Variants in CD86 observed in about 807,000 individuals in gnomAD.
The protein encoded by CD86 is CD86 molecule.
Under a neutral mutation model 32.1 loss-of-function variants are expected in CD86, and 11 were observed. The observed-to-expected ratio is 0.34, with a 90% CI of 0.22 to 0.57. The LOEUF is 0.57. Ranked by LOEUF, CD86 falls within the 20% of genes least tolerant of loss-of-function variation. The probability of loss-of-function intolerance (pLI) is 0.86; values close to 1 mark genes in which losing one functional copy is unlikely to be tolerated. For missense variants in CD86, 359 were observed against 398.4 expected, an observed-to-expected ratio of 0.90 and a Z score of 0.84; for synonymous variants, 137 against 135.3, an observed-to-expected ratio of 1.01 and a Z score of -0.09.
Position 122,090,749 on chromosome 3 carries a change from TGAA to T in CD86, c.15-850_15-848del, listed in dbSNP as rs932375394. Among the ~76,000 whole-genome samples, 6 of 152,160 alleles carry T rather than the reference TGAA, an allele frequency of 3.9e-5. No individual in the cohort carries two copies. The East Asian group carries it at 1.2e-3, about 29-fold the overall frequency. ...CTAGTTAGGGTAAGTGCGTGGGTAG[TGAA>T]GGAGGGAGGAGGGAGAGGAAGAAAG... On this transcript the variant is annotated intron_variant, in intron 1 of 6. Transcript: ENST00000330540.
chr3:122,083,996 T>A (rs2072676439), intron 1 of CD86, among the ~76,000 whole-genome samples: 1 of 152,302 alleles, frequency 6.6e-6, no homozygotes, highest in East Asian at 1.9e-4. Flanking sequence ...TATTGTATTC[T>A]TTTTTTCTGA....
At chr3:122,078,218 T>C (rs34865701) in intron 1 of CD86, among the ~76,000 whole-genome samples, 180 of 152,300 alleles carry the variant, frequency 1.2e-3, no homozygotes, top group Non-Finnish European at 1.9e-3. Context: ...ATTGACTACA[T>C]TGGAGGTGGG....
chr3:122,080,629 T>C (rs2072620313), intron 1 of CD86, among the ~76,000 whole-genome samples: 1 of 152,184 alleles, frequency 6.6e-6, no homozygotes, highest in African/African-American at 2.4e-5. Flanking sequence ...GGAAACACTG[T>C]GCTCTCAAAT....
intron 5 of CD86, among the ~76,000 whole-genome samples, chr3:122,110,270 T>C (rs2073152899): frequency 6.6e-6 from 1 of 152,226 alleles, no homozygotes; most frequent in African/African-American, 2.4e-5. Context: ...AATAGTTTTG[T>C]TATTATAAAC....
intron 2 of CD86, among the ~76,000 whole-genome samples, chr3:122,098,149 G>A (rs543820887): frequency 1.3e-5 from 2 of 152,316 alleles, no homozygotes; most frequent in South Asian, 4.1e-4. Context: ...GACATCTCAG[G>A]AGAGACAGAC....
At chr3:122,069,255 A>C (rs919255717) in intron 1 of CD86, among the ~76,000 whole-genome samples, 182 of 152,008 alleles carry the variant, frequency 1.2e-3, no homozygotes, top group African/African-American at 4.1e-3. Context: ...GAGCTAGTTA[A>C]GCATTTGTTA....
At chr3:122,082,506 A>T (rs918003411) in intron 1 of CD86, among the ~76,000 whole-genome samples, 1 of 152,200 alleles carries the variant, frequency 6.6e-6, no homozygotes, top group Non-Finnish European at 1.5e-5. Flanking sequence ...AGTATAACTG[A>T]CCTCACAGAA....
chr3:122,070,379 C>T (rs1295660933), intron 1 of CD86, among the ~76,000 whole-genome samples: 1 of 152,028 alleles, frequency 6.6e-6, no homozygotes, highest in Non-Finnish European at 1.5e-5. Flanking sequence ...AAAAAGCCAG[C>T]CTAGGATGGG....
rs568902027 is a variant in CD86, at chr3:122,119,622, G to A, written c.*88G>A. On this transcript the variant is annotated 3_prime_UTR_variant, in exon 7 of 7. Transcript: ENST00000330540. ...CAACCTTTTTGATTTCTTCCAGAAG[G>A]CAAAAAGACATTACCATGAGTAATA... is the stretch of plus-strand genomic sequence containing the variant. 3.9e-5 allele frequency: 31 copies of A among 804,950 alleles called. No homozygotes were observed. The East Asian group carries it at 7.8e-4, about 20-fold the overall frequency. The allele number at this position is 804,950 out of a possible 1,614,324, so 49.9% of individuals were successfully genotyped here.
intron 2 of CD86, among the ~76,000 whole-genome samples, chr3:122,092,990 A>G (rs954001759): frequency 6.6e-6 from 1 of 152,132 alleles, no homozygotes; most frequent in Non-Finnish European, 1.5e-5. Context: ...CCAGCTGATC[A>G]CTGACTTAGG....
chr3:122,065,077 C>T (rs1318212592), intron 1 of CD86, among the ~76,000 whole-genome samples: 3 of 152,104 alleles, frequency 2.0e-5, no homozygotes, highest in South Asian at 2.1e-4. Context: ...TAGTATTATC[C>T]CTGATTTTCC....
intron 2 of CD86, 162 bp downstream of exon 2, chr3:122,091,812 G>A (rs868356221): frequency 1.1e-5 from 7 of 647,964 alleles, no homozygotes; most frequent in African/African-American, 9.0e-5. Flanking sequence ...AGAAGGAAGT[G>A]TTATGATTGA....
chr3:122,056,399 A>G (rs2072237133), intron 1 of CD86, among the ~76,000 whole-genome samples: 1 of 152,168 alleles, frequency 6.6e-6, no homozygotes, highest in Non-Finnish European at 1.5e-5. Flanking sequence ...CAGTGGCGCA[A>G]TCTCAGCTCA....
chr3:122,080,930 C>T (rs1357838993), intron 1 of CD86, among the ~76,000 whole-genome samples: 3 of 152,158 alleles, frequency 2.0e-5, no homozygotes, highest in Non-Finnish European at 4.4e-5. Flanking sequence ...TGCCGACTGC[C>T]TCTTTACTGC....
chr3:122,120,830 A>C lies in CD86; in HGVS notation c.*1296A>C, dbSNP rs2073333909. On this transcript the variant is annotated 3_prime_UTR_variant, in exon 7 of 7. Transcript: ENST00000330540. ...GTTTTTGCTCAAGGCAACCAGAGGAAACTTGCATACAGAGACAGATATACT... is the reference window on the plus strand; with the variant it reads ...GTTTTTGCTCAAGGCAACCAGAGGACACTTGCATACAGAGACAGATATACT... The C allele has an allele frequency of 6.6e-6, 1 of 152,490 alleles. No homozygotes were observed. Among genetic ancestry groups the C allele is most frequent in the South Asian group, 2.1e-4 (1 of 4,838 alleles). The allele number at this position is 152,490 out of a possible 1,614,324, so 9.4% of individuals were successfully genotyped here. A position where few individuals can be genotyped will look rare whatever the true frequency, so the allele number is the denominator to read the frequency against.
intron 1 of CD86, among the ~76,000 whole-genome samples, chr3:122,089,561 C>G (rs1440843999): frequency 1.3e-5 from 2 of 152,128 alleles, no homozygotes; most frequent in Non-Finnish European, 2.9e-5. Flanking sequence ...CTAAAGATCA[C>G]AAATTAGAAA....
intron 2 of CD86, among the ~76,000 whole-genome samples, chr3:122,098,015 C>T (rs887310880): frequency 6.6e-6 from 1 of 152,184 alleles, no homozygotes; most frequent in African/African-American, 2.4e-5. Context: ...CTGCCATGCA[C>T]TGACTGTGCA....
intron 2 of CD86, among the ~76,000 whole-genome samples, chr3:122,096,931 T>C (rs1209688018): frequency 6.6e-6 from 1 of 152,268 alleles, no homozygotes; most frequent in East Asian, 1.9e-4. Flanking sequence ...TGTGCACATG[T>C]ATCTTTTTGT....
In CD86 at chr3:122,109,386, G is replaced by A. The variant is rs1439324662; in HGVS notation, c.825G>A (p.Arg275=). The change falls in exon 5 of 7, where the codon CGG becomes CGA. Residue 275 remains arginine, a synonymous_variant. Transcript: ENST00000330540. ...LILWKWKKKK[R]PRNSYKCGTN... is the part of the protein sequence containing the mutation. ...TATGGAAATGGAAGAAGAAGAAGCG[G>A]CCTCGCAACTCTTATAAATGTGGTG... is the stretch of plus-strand genomic sequence containing the variant. 1.2e-6 allele frequency: 2 copies of A among 1,614,042 alleles called. No individual in the cohort carries two copies. Among genetic ancestry groups the A allele is most frequent in the African/African-American group, 1.3e-5 (1 of 75,022 alleles).
Sources: gnomAD v4.1 joint callset for allele counts (sites outside exome capture counted in the v4.1 genomes callset) on GRCh38, gnomAD v4.1.1 for gene constraint, MANE v1.5 for transcripts, NCBI Gene and HGNC (gene_info 2026-07-23, HGNC 2026-07-21) for gene names.